Variants in CCSER1 observed in about 807,000 individuals in gnomAD.
The protein encoded by CCSER1 is coiled-coil serine rich protein 1.
A neutral mutation model predicts 82.0 loss-of-function variants in CCSER1; 41 were observed. The observed-to-expected ratio is 0.50, with a 90% CI of 0.39 to 0.65. The LOEUF is 0.65. CCSER1 is among the 30% of genes least tolerant of loss of function. The pLI is 0.00. For missense variants in CCSER1, 1,119 were observed against 1,064.2 expected, an observed-to-expected ratio of 1.05 and a Z score of -0.72; for synonymous variants, 414 against 383.9, an observed-to-expected ratio of 1.08 and a Z score of -0.92.
At chr4:90,973,379 G>C (rs966018432) in intron 9 of CCSER1, among the ~76,000 whole-genome samples, 2 of 151,672 alleles carry the variant, frequency 1.3e-5, no homozygotes, top group African/African-American at 4.8e-5. Context: ...CTCCAAATAA[G>C]ATGTATGAAA....
intron 10 of CCSER1, among the ~76,000 whole-genome samples, chr4:91,283,916 G>A (rs745528928): frequency 1.5e-4 from 23 of 152,084 alleles, no homozygotes; most frequent in Non-Finnish European, 2.9e-4. Flanking sequence ...CTGTAGCATG[G>A]CATGCTGATT....
At chr4:91,100,085 G>A (rs1013084886) in intron 10 of CCSER1, among the ~76,000 whole-genome samples, 2 of 152,058 alleles carry the variant, frequency 1.3e-5, no homozygotes, top group Admixed American at 6.6e-5. Flanking sequence ...AGTCAGGTTG[G>A]AAAGTAAGTC....
chr4:91,402,154 T>G (rs1057400839), intron 10 of CCSER1, among the ~76,000 whole-genome samples: 3 of 152,230 alleles, frequency 2.0e-5, no homozygotes, highest in African/African-American at 7.2e-5. Flanking sequence ...GCAGTGATGA[T>G]GAGCATTTTT....
chr4:91,512,026 A>G (rs1578660454), intron 10 of CCSER1, among the ~76,000 whole-genome samples: 1 of 152,224 alleles, frequency 6.6e-6, no homozygotes, highest in Admixed American at 6.5e-5. Flanking sequence ...ATCCTTGTAG[A>G]GATCTGTGAT....
chr4:90,602,360 A>G (rs1325598365), intron 5 of CCSER1, among the ~76,000 whole-genome samples: 1 of 152,054 alleles, frequency 6.6e-6, no homozygotes, highest in Non-Finnish European at 1.5e-5. Context: ...TGTATTATAT[A>G]TCACCTTTCA....
chr4:91,306,348 G>C (rs565265858), intron 10 of CCSER1, among the ~76,000 whole-genome samples: 95 of 151,864 alleles, frequency 6.3e-4, no homozygotes, highest in Non-Finnish European at 2.2e-4. Flanking sequence ...GTTTTGGTTT[G>C]CTTTGGCTTT....
intron 1 of CCSER1, among the ~76,000 whole-genome samples, chr4:90,238,637 C>T (rs1364578652): frequency 2.6e-5 from 4 of 152,094 alleles, no homozygotes; most frequent in Non-Finnish European, 5.9e-5. Context: ...GTACCTATCA[C>T]TTCCTTCTCA....
intron 10 of CCSER1, among the ~76,000 whole-genome samples, chr4:91,243,152 A>G (rs1014212387): frequency 1.3e-5 from 2 of 152,170 alleles, no homozygotes; most frequent in Non-Finnish European, 2.9e-5. Flanking sequence ...CTGCCCTGTC[A>G]CAGTGGAAAA....
intron 5 of CCSER1, among the ~76,000 whole-genome samples, chr4:90,512,836 G>C (rs911666838): frequency 6.6e-6 from 1 of 152,122 alleles, no homozygotes; most frequent in African/African-American, 2.4e-5. Context: ...AAGCTTAATG[G>C]TCACAAAAAT....
intron 3 of CCSER1, among the ~76,000 whole-genome samples, chr4:90,333,144 G>T (rs948861552): frequency 2.0e-5 from 3 of 152,136 alleles, no homozygotes; most frequent in Admixed American, 2.0e-4. Flanking sequence ...GTCAGGGGGT[G>T]CAAAATGTCA....
At chr4:91,057,656 C>T (rs572923286) in intron 9 of CCSER1, among the ~76,000 whole-genome samples, 2 of 152,218 alleles carry the variant, frequency 1.3e-5, no homozygotes, top group African/African-American at 4.8e-5. Context: ...GCTCTAAGAA[C>T]AAGCTTACCC....
At chr4:91,393,791 G>C (rs766328532) in intron 10 of CCSER1, among the ~76,000 whole-genome samples, 4 of 152,052 alleles carry the variant, frequency 2.6e-5, no homozygotes, top group Non-Finnish European at 1.5e-5. Flanking sequence ...GAGCCCTAAA[G>C]GGAAGTATGC....
chr4:90,536,027 T>G (rs1367363418), intron 5 of CCSER1, among the ~76,000 whole-genome samples: 3 of 145,632 alleles, frequency 2.1e-5, no homozygotes, highest in Non-Finnish European at 3.0e-5. Flanking sequence ...TTTTCTTTCT[T>G]TCTGTTTTTT....
chr4:90,484,019 G>A (rs532882436), intron 5 of CCSER1, among the ~76,000 whole-genome samples: 247 of 152,218 alleles, frequency 1.6e-3, no homozygotes, highest in African/African-American at 5.7e-3. Flanking sequence ...CCAATTAGAC[G>A]TAGATTTGGT....
intron 5 of CCSER1, among the ~76,000 whole-genome samples, chr4:90,610,482 C>T (rs1043786508): frequency 3.3e-5 from 5 of 151,988 alleles, no homozygotes; most frequent in East Asian, 1.9e-4. Context: ...TATTCATACA[C>T]GTATAAATAG....
chr4:90,273,936 A>T (rs1357952479), intron 1 of CCSER1, among the ~76,000 whole-genome samples: 3 of 152,214 alleles, frequency 2.0e-5, no homozygotes, highest in Admixed American at 2.0e-4. Flanking sequence ...AGATATTTGC[A>T]ATTATTCAAG....
rs57188209 is a variant in CCSER1 at position 90,225,231 on chromosome 4, A to ATTTTT, written c.-41-82992_-41-82988dup. On this transcript the variant is annotated intron_variant, in intron 1 of 10. Transcript: ENST00000509176. Reference sequence around the variant, plus strand: ...CGGTGCACACCAGCATACCCGGCTAATTTTTTTTTTTTTTTTTTTTTTTTT... The same window carrying ATTTTT: ...CGGTGCACACCAGCATACCCGGCTAATTTTTTTTTTTTTTTTTTTTTTTTTTTTTT... 1.6e-3 allele frequency among the ~76,000 whole-genome samples: 181 copies of ATTTTT among 111,808 alleles called. 1 individual carries two copies. The highest frequency in any genetic ancestry group is 5.0e-3 in the African/African-American group (146 of 29,164). The allele number at this position is 111,808 out of a possible 152,430, so 73.4% of individuals were successfully genotyped here.
Position 90,313,032 on chromosome 4 carries a change from A to G in CCSER1, c.1494A>G (p.Ser498=), listed in dbSNP as rs1222542882. 1 of 1,601,032 alleles carries G rather than the reference A, an allele frequency of 6.2e-7. No individual in the cohort carries two copies. The highest frequency in any genetic ancestry group is 1.3e-5 in the African/African-American group (1 of 74,868). Residue 498 remains serine (S), a synonymous_variant, in exon 3 of 11, where the codon TCA becomes TCG. Coordinates refer to ENST00000509176, the MANE Select transcript of CCSER1 (RefSeq NM_001145065.2). ...AGCAAAGAGCAGGTTCTTCATCTTC[A>G]AAAATGAACAGTTTGGTAAGTATAT... is the stretch of plus-strand genomic sequence containing the variant. ...LRKQRAGSSS[S]KMNSLDVLNN... is the part of the protein sequence containing the mutation.
intron 5 of CCSER1, among the ~76,000 whole-genome samples, chr4:90,545,012 G>A (rs909181522): frequency 6.6e-6 from 1 of 152,230 alleles, no homozygotes; most frequent in Non-Finnish European, 1.5e-5. Context: ...ATGTCTAGAT[G>A]TGTAGATTCA....
Sources: gnomAD v4.1 joint callset for allele counts (sites outside exome capture counted in the v4.1 genomes callset) on GRCh38, gnomAD v4.1.1 for gene constraint, MANE v1.5 for transcripts, NCBI Gene and HGNC (gene_info 2026-07-23, HGNC 2026-07-21) for gene names.